Variants in RAD51D observed in about 807,000 individuals in gnomAD.
RAD51D encodes the protein RAD51 paralog D, also known as DNA repair protein RAD51 homolog 4.
In RAD51D, 38 loss-of-function variants were observed where a neutral mutation model predicts 44.1. That is an observed-to-expected ratio of 0.86 (90% confidence interval 0.67 to 1.13). RAD51D has a LOEUF of 1.13. Among genes scored for constraint, RAD51D ranks in the 50% most tolerant of loss-of-function variants. RAD51D has a pLI of 0.00. For synonymous variants in RAD51D, 141 were observed against 166.6 expected, an observed-to-expected ratio of 0.85 and a Z score of 1.18; for missense variants, 390 against 414.0, an observed-to-expected ratio of 0.94 and a Z score of 0.50.
chr17:35,118,673 C>T (rs1239038770), intron 2 of RAD51D, 54 bp from the exon 3 acceptor site: 1 of 1,348,686 alleles, frequency 7.4e-7, no homozygotes, highest in African/African-American at 1.4e-5. Context: ...AAGCTGGCAT[C>T]CCAGGGTGTC....
Position 35,119,170 on chromosome 17 carries a change from C to T in RAD51D, c.85G>A (p.Val29Met), listed in dbSNP as rs1555570422. The T allele has an allele frequency of 6.2e-7, 1 of 1,613,598 alleles. No homozygotes were observed. Among genetic ancestry groups the T allele is most frequent in the Non-Finnish European group, 8.5e-7 (1 of 1,179,496 alleles). The stretch of plus-strand genomic sequence containing the variant: ...TCCAGGTCTGCAGAAACCAGGTCCA[C>T]CACTGAAAACAAAACACGTATAGCG... ...LLRSHRIKTVVDLVSADLEEV... is the reference protein window; with the variant it reads ...LLRSHRIKTVMDLVSADLEEV... The change falls in exon 2 of 10, where the codon GTG (valine) becomes ATG (methionine). Residue 29 changes from valine (V) to methionine (M), a missense_variant and splice_region_variant. Transcript: ENST00000345365.
intron 2 of RAD51D, 120 bp from the exon 3 acceptor site, chr17:35,118,739 A>G: frequency 1.2e-6 from 1 of 819,528 alleles, no homozygotes; most frequent in Non-Finnish European, 2.1e-6. Flanking sequence ...CTTGGGATGG[A>G]CTTTTGTTAT....
rs1354045620 is a variant in RAD51D at position 35,093,323 on chromosome 17, GT to G, written c.*7629del. 1 of 152,158 alleles carries G rather than the reference GT, an allele frequency of 6.6e-6. No homozygotes were observed. The highest frequency in any genetic ancestry group is 1.5e-5 in the Non-Finnish European group (1 of 68,030). 9.4% of individuals were successfully genotyped at this position (152,158 alleles called of 1,614,324 possible). On this transcript the variant is annotated 3_prime_UTR_variant, in exon 10 of 10. Coordinates refer to ENST00000345365, the MANE Select transcript of RAD51D (RefSeq NM_002878.4). The stretch of plus-strand genomic sequence containing the variant: ...AAGTAAATGTCAAAGCTAGGACCAA[GT>G]TAGTTGAGATATAAAAAATCCTGTT...
chr17:35,093,275 T>A lies in RAD51D; in HGVS notation c.*7678A>T, dbSNP rs2091467379. The A allele has an allele frequency of 6.6e-6, 1 of 152,252 alleles. No individual in the cohort carries two copies. The highest frequency in any genetic ancestry group is 1.5e-5 in the Non-Finnish European group (1 of 68,046). 9.4% of individuals were successfully genotyped at this position (152,252 alleles called of 1,614,324 possible). A position where few individuals can be genotyped will look rare whatever the true frequency, so the allele number is the denominator to read the frequency against. The stretch of plus-strand genomic sequence containing the variant: ...ATGAAACTAAGGCTTAAAGAGACTG[T>A]TATTCATCCATTGTTATATGGCAAG... On this transcript the variant is annotated 3_prime_UTR_variant, in exon 10 of 10. Transcript: ENST00000345365.
chr17:35,092,351 C>A lies in RAD51D; in HGVS notation c.*8602G>T, dbSNP rs1298919988. Reference sequence around the variant, plus strand: ...ATATTATTTCTTTTATTAGTAGCAGCACGGCTTGGAAGTCCTAGTGCCCTG... The same window carrying A: ...ATATTATTTCTTTTATTAGTAGCAGAACGGCTTGGAAGTCCTAGTGCCCTG... On this transcript the variant is annotated 3_prime_UTR_variant, in exon 10 of 10. Coordinates refer to ENST00000345365, the MANE Select transcript of RAD51D (RefSeq NM_002878.4). The A allele has an allele frequency of 6.6e-6, 1 of 152,190 alleles. No individual in the cohort carries two copies. Among genetic ancestry groups the A allele is most frequent in the Non-Finnish European group, 1.5e-5 (1 of 68,040 alleles). 9.4% of individuals were successfully genotyped at this position (152,190 alleles called of 1,614,324 possible). A position where few individuals can be genotyped will look rare whatever the true frequency, so the allele number is the denominator to read the frequency against.
chr17:35,108,987 C>T (rs1012355636), intron 3 of RAD51D, among the ~76,000 whole-genome samples: 11 of 151,874 alleles, frequency 7.2e-5, no homozygotes, highest in Non-Finnish European at 1.2e-4. Context: ...CTGTCTCAGC[C>T]TCCCGAGTAC....
At position 35,119,293 on chromosome 17, in the gene RAD51D, A is replaced by T. The variant is rs1261096723; in HGVS notation, c.83-121T>A. The T allele has an allele frequency of 4.0e-6, 4 of 1,011,140 alleles. No homozygotes were observed. In the Admixed American group the frequency reaches 7.6e-5, roughly 19 times the overall value. The allele number at this position is 1,011,140 out of a possible 1,614,324, so 62.6% of individuals were successfully genotyped here. On this transcript the variant is annotated intron_variant, in intron 1 of 9. Transcript: ENST00000345365. ...CCCCGGCAGGCCGTCTCAGGAGGCC[A>T]GTGTGAAATAACAAAGCTGCAGGAG...
Position 35,098,979 on chromosome 17 carries a change from G to A in RAD51D, c.*1974C>T, listed in dbSNP as rs2091507210. 1 of 151,990 alleles carries A rather than the reference G, an allele frequency of 6.6e-6. No homozygotes were observed. Among genetic ancestry groups the A allele is most frequent in the African/African-American group, 2.4e-5 (1 of 41,322 alleles). The allele number at this position is 151,990 out of a possible 1,614,324, so 9.4% of individuals were successfully genotyped here. On this transcript the variant is annotated 3_prime_UTR_variant, in exon 10 of 10. Coordinates refer to ENST00000345365, the MANE Select transcript of RAD51D (RefSeq NM_002878.4). ...CTGCCTCAGGCTCCCAAGTAGCAGGGACCACAGGTGCACATCACAATGCCT... is the reference window on the plus strand; with the variant it reads ...CTGCCTCAGGCTCCCAAGTAGCAGGAACCACAGGTGCACATCACAATGCCT...
In RAD51D at chr17:35,095,606, C is replaced by T. The variant is rs2091481868; in HGVS notation, c.*5347G>A. ...GGAGTTCGAGACCAGCCATGGCCAA[C>T]ATGATGAAACCCCATCTCTACTAAA... On this transcript the variant is annotated 3_prime_UTR_variant, in exon 10 of 10. Coordinates refer to ENST00000345365, the MANE Select transcript of RAD51D (RefSeq NM_002878.4). 6.6e-6 allele frequency: 1 copy of T among 152,234 alleles called. No individual in the cohort carries two copies. Among genetic ancestry groups the T allele is most frequent in the Non-Finnish European group, 1.5e-5 (1 of 68,114 alleles). 9.4% of individuals were successfully genotyped at this position (152,234 alleles called of 1,614,324 possible).
chr17:35,119,299 A>G (rs1011620968), intron 1 of RAD51D, 127 bp from the exon 2 acceptor site: 1 of 996,644 alleles, frequency 1.0e-6, no homozygotes, highest in African/African-American at 1.6e-5. Flanking sequence ...GGCCAGTGTG[A>G]AATAACAAAG....
At chr17:35,104,100 T>TA (rs1197889367) in intron 6 of RAD51D, among the ~76,000 whole-genome samples, 1 of 151,984 alleles carries the variant, frequency 6.6e-6, no homozygotes, top group Non-Finnish European at 1.5e-5. Flanking sequence ...ATAAAATAAC[T>TA]AAAAACTACA....
chr17:35,104,634 T>C (rs989372046), intron 6 of RAD51D, among the ~76,000 whole-genome samples: 7 of 152,164 alleles, frequency 4.6e-5, no homozygotes, highest in African/African-American at 1.7e-4. Context: ...TCTGGCCACT[T>C]TGGCCTCCCA....
At chr17:35,107,524 A>T in intron 3 of RAD51D, 77 bp from the exon 4 acceptor site, 8 of 1,187,680 alleles carry the variant, frequency 6.7e-6, no homozygotes, top group Non-Finnish European at 1.0e-5. Flanking sequence ...AAGAAAAGTA[A>T]GACATTTCTT....
At chr17:35,117,631 A>G (rs554457782) in intron 3 of RAD51D, among the ~76,000 whole-genome samples, 162 of 152,276 alleles carry the variant, frequency 1.1e-3, no homozygotes, top group African/African-American at 3.8e-3. Flanking sequence ...CTGGGACTAC[A>G]GGCGCCCGCC....
At chr17:35,107,522 T>A (rs575910811) in intron 3 of RAD51D, 75 bp from the exon 4 acceptor site, 1 of 1,211,878 alleles carries the variant, frequency 8.3e-7, no homozygotes, top group Non-Finnish European at 1.2e-6. Flanking sequence ...AGAAGAAAAG[T>A]AAGACATTTC....
At chr17:35,116,011 A>AAGAAAGAAAGAAAGAAAGGC (rs1227455825) in intron 3 of RAD51D, among the ~76,000 whole-genome samples, 1 of 151,124 alleles carries the variant, frequency 6.6e-6, no homozygotes, top group South Asian at 2.1e-4. Flanking sequence ...GAAAGAAAGA[A>AAGAAAGAAAGAAAGAAAGGC]AGGCTAGAAA....
Position 35,100,191 on chromosome 17 carries a change from C to T in RAD51D, c.*762G>A. 1 of 532,888 alleles carries T rather than the reference C, an allele frequency of 1.9e-6. No homozygotes were observed. Among genetic ancestry groups the T allele is most frequent in the Non-Finnish European group, 3.6e-6 (1 of 275,424 alleles). 33.0% of individuals were successfully genotyped at this position (532,888 alleles called of 1,614,324 possible). A position where few individuals can be genotyped will look rare whatever the true frequency, so the allele number is the denominator to read the frequency against. On this transcript the variant is annotated 3_prime_UTR_variant, in exon 10 of 10. Transcript: ENST00000345365. ...GTGGCTGGATTCACCAGGAGCAGGT[C>T]ATACCCTCCCTTTCTGTTAAATTAT...
intron 3 of RAD51D, 106 bp downstream of exon 3, chr17:35,118,395 G>GT (rs765387810): frequency 2.2e-4 from 200 of 919,838 alleles, no homozygotes; most frequent in African/African-American, 3.5e-4. Context: ...TCCATTATTG[G>GT]TTAAAAAAAA....
At chr17:35,101,418 T>C in intron 8 of RAD51D, 53 bp from the exon 9 acceptor site, 1 of 1,563,694 alleles carries the variant, frequency 6.4e-7, no homozygotes, top group Non-Finnish European at 8.8e-7. Context: ...AGGACATCGA[T>C]TACTACCGCT....
Sources: allele counts gnomAD v4.1 joint callset (sites outside exome capture counted in the v4.1 genomes callset), GRCh38; gene constraint gnomAD v4.1.1; transcripts MANE v1.5; gene names NCBI Gene and HGNC (gene_info 2026-07-23, HGNC 2026-07-21).